FOXJ3: variants seen among roughly 807,000 people sequenced by gnomAD.
The protein encoded by FOXJ3 is forkhead box protein J3.
A neutral mutation model predicts 76.1 loss-of-function variants in FOXJ3; 22 were observed. The ratio of observed to expected loss-of-function variants is 0.29; its 90% CI spans 0.21 to 0.41. The LOEUF (loss-of-function observed/expected upper bound fraction) is 0.41. Ranked by LOEUF, FOXJ3 falls within the 10% of genes least tolerant of loss-of-function variation. FOXJ3 has a pLI of 1.00. For synonymous variants in FOXJ3, 269 were observed against 261.2 expected (o/e 1.03, Z -0.29); for missense variants, 613 against 762.1 (o/e 0.80, Z 2.30).
chr1:42,224,042 A>T (rs925257051), intron 5 of FOXJ3, among the ~76,000 whole-genome samples: 12 of 152,276 alleles, frequency 7.9e-5, no homozygotes, highest in African/African-American at 2.9e-4. Context: ...TTTGACACAT[A>T]AATTCAGCAT....
intron 1 of FOXJ3, chr1:42,334,180 C>G (rs1656323443): frequency 1.1e-6 from 1 of 940,346 alleles, no homozygotes; most frequent in African/African-American, 1.8e-5. Context: ...AATTAAGCAA[C>G]AGAGAAAAGA....
Position 42,182,021 on chromosome 1 carries a change from T to C in FOXJ3, c.1649A>G (p.Asn550Ser). 6.3e-7 allele frequency: 1 copy of C among 1,592,698 alleles called. No individual in the cohort carries two copies. Among genetic ancestry groups the C allele is most frequent in the Non-Finnish European group, 8.6e-7 (1 of 1,163,366 alleles). The stretch of plus-strand genomic sequence containing the variant: ...ATTTTGCCTAGAATCTATGTACAAA[T>C]TTCCTAATCAGATTAAAAGCAGAAA... ...TKPSQHIGTG[N>S]LYIDSRQNLP... is the part of the protein sequence containing the mutation. Residue 550 changes from asparagine to serine, a missense_variant, in exon 12 of 13, where the codon AAT (asparagine) becomes AGT (serine). Asn to Ser is a conservative substitution (Grantham distance 46). Transcript: ENST00000361346.
At chr1:42,235,560 GTGTTTTTT>G (rs1261512479) in intron 4 of FOXJ3, among the ~76,000 whole-genome samples, 2 of 143,944 alleles carry the variant, frequency 1.4e-5, no homozygotes, top group Non-Finnish European at 3.1e-5. Flanking sequence ...GTTTTTTTTT[GTGTTTTTT>G]TGTTTTTTTT....
rs75038041 is a variant in FOXJ3, at chr1:42,334,054, G to A, written c.-18+1005C>T. ...GAATCCAACCAGGGACAACACAGAC[G>A]TGGAATGCACCAACACGGAATAGTA... is the stretch of plus-strand genomic sequence containing the variant. On this transcript the variant is annotated intron_variant, in intron 1 of 12. Transcript: ENST00000361346. 7.5e-4 allele frequency: 374 copies of A among 497,030 alleles called. No homozygotes were observed. In the African/African-American group the frequency reaches 7.7e-3, roughly 10 times the overall value. The allele number at this position is 497,030 out of a possible 1,614,324, so 30.8% of individuals were successfully genotyped here. A position where few individuals can be genotyped will look rare whatever the true frequency, so the allele number is the denominator to read the frequency against.
intron 4 of FOXJ3, among the ~76,000 whole-genome samples, chr1:42,244,228 C>G (rs963860057): frequency 6.6e-6 from 1 of 152,068 alleles, no homozygotes; most frequent in Non-Finnish European, 1.5e-5. Flanking sequence ...AAAAAGCAGA[C>G]AGATTTCAAA....
chr1:42,317,212 A>C (rs1419300208), intron 1 of FOXJ3, among the ~76,000 whole-genome samples: 1 of 152,142 alleles, frequency 6.6e-6, no homozygotes, highest in Non-Finnish European at 1.5e-5. Flanking sequence ...ACTTGACTGA[A>C]CATTTCAGAT....
At chr1:42,200,031 C>T (rs1422903663) in intron 6 of FOXJ3, among the ~76,000 whole-genome samples, 1 of 117,846 alleles carries the variant, frequency 8.5e-6, no homozygotes, top group Non-Finnish European at 1.8e-5. Context: ...AAAAAAAAGG[C>T]AAATATAAAG....
intron 4 of FOXJ3, among the ~76,000 whole-genome samples, chr1:42,228,981 C>A (rs1647828198): frequency 6.6e-6 from 1 of 152,160 alleles, no homozygotes; most frequent in Non-Finnish European, 1.5e-5. Flanking sequence ...AGGGGAAATA[C>A]AACCCTCACC....
chr1:42,236,097 T>C (rs1411310229), intron 4 of FOXJ3, among the ~76,000 whole-genome samples: 2 of 112,182 alleles, frequency 1.8e-5, no homozygotes, highest in African/African-American at 3.3e-5. Context: ...ATCAGTCCAA[T>C]TTCCTCCCAG....
chr1:42,287,797 C>T (rs1317478875), intron 2 of FOXJ3, among the ~76,000 whole-genome samples: 12 of 151,914 alleles, frequency 7.9e-5, no homozygotes, highest in Non-Finnish European at 1.5e-4. Flanking sequence ...CCCGTCTTTA[C>T]AAAAAATACA....
At chr1:42,330,654 C>CAA (rs903751807) in intron 1 of FOXJ3, among the ~76,000 whole-genome samples, 1 of 150,018 alleles carries the variant, frequency 6.7e-6, no homozygotes, top group Non-Finnish European at 1.5e-5. Context: ...AACAAACAAA[C>CAA]AAAAAAAAAC....
intron 1 of FOXJ3, among the ~76,000 whole-genome samples, chr1:42,319,653 T>C (rs931026888): frequency 1.3e-5 from 2 of 152,182 alleles, no homozygotes; most frequent in African/African-American, 4.8e-5. Flanking sequence ...CTAGATGAAC[T>C]GTATGGTATG....
rs149790266 is a variant in FOXJ3 at position 42,184,050 on chromosome 1, T to C, written c.1646-2026A>G. ...GAGAAAAGTTATACTAAACTACAGC[T>C]CTAATACTGGTACGAGTGACGTGGG... On this transcript the variant is annotated intron_variant, in intron 11 of 12. Transcript: ENST00000361346. Among the ~76,000 whole-genome samples the C allele has an allele frequency of 1.1e-3, 165 of 152,282 alleles. 1 individual carries two copies. The highest frequency in any genetic ancestry group is 0.01 in the Middle Eastern group (3 of 294).
intron 2 of FOXJ3, among the ~76,000 whole-genome samples, chr1:42,295,950 G>A (rs1487532568): frequency 1.3e-5 from 2 of 152,198 alleles, no homozygotes; most frequent in African/African-American, 4.8e-5. Flanking sequence ...TTCCACAGAG[G>A]TTGAACATTC....
At chr1:42,231,191 T>C (rs1648071674) in intron 4 of FOXJ3, among the ~76,000 whole-genome samples, 1 of 150,572 alleles carries the variant, frequency 6.6e-6, no homozygotes, top group South Asian at 2.1e-4. Flanking sequence ...CAGGGCATGA[T>C]GGCAGGTGCC....
At chr1:42,181,880 C>A in intron 12 of FOXJ3, 37 bp downstream of exon 12, 1 of 1,370,090 alleles carries the variant, frequency 7.3e-7, no homozygotes. Context: ...CACACACACA[C>A]ACACACACAC....
At chr1:42,201,059 CAT>C (rs1646755236) in intron 6 of FOXJ3, among the ~76,000 whole-genome samples, 1 of 133,640 alleles carries the variant, frequency 7.5e-6, no homozygotes. Context: ...TGAATGCTAA[CAT>C]AAGTGTTATC....
intron 3 of FOXJ3, among the ~76,000 whole-genome samples, chr1:42,278,117 C>T (rs1250137542): frequency 2.0e-5 from 3 of 152,144 alleles, no homozygotes; most frequent in South Asian, 2.1e-4. Flanking sequence ...ACATTATCCC[C>T]GCTCTTACTT....
At chr1:42,314,565 T>C (rs1271557050) in intron 1 of FOXJ3, among the ~76,000 whole-genome samples, 1 of 152,156 alleles carries the variant, frequency 6.6e-6, no homozygotes. Context: ...AGTCTCTTTC[T>C]TTTCACTCTC....
Sources: gnomAD v4.1 joint callset for allele counts (sites outside exome capture counted in the v4.1 genomes callset) on GRCh38, gnomAD v4.1.1 for gene constraint, MANE v1.5 for transcripts, NCBI Gene and HGNC (gene_info 2026-07-23, HGNC 2026-07-21) for gene names.